CUX1: variants seen among roughly 807,000 people sequenced by gnomAD.
CUX1 encodes protein CASP.
Under a neutral mutation model 158.8 loss-of-function variants are expected in CUX1, and 31 were observed. The observed-to-expected ratio is 0.20, with a 90% CI of 0.15 to 0.26. The LOEUF (loss-of-function observed/expected upper bound fraction) is 0.26. CUX1 is among the 10% of genes least tolerant of loss of function. The pLI, the probability that CUX1 is intolerant of heterozygous loss-of-function variation, is 1.00. For missense variants in CUX1, 1,589 were observed against 2,014.6 expected, an observed-to-expected ratio of 0.79 and a Z score of 4.04; for synonymous variants, 879 against 862.1, an observed-to-expected ratio of 1.02 and a Z score of -0.34.
At chr7:101,826,069 T>A (rs1182222978) in intron 1 of CUX1, among the ~76,000 whole-genome samples, 1 of 152,072 alleles carries the variant, frequency 6.6e-6, no homozygotes, top group Non-Finnish European at 1.5e-5. Flanking sequence ...TTCCTGATAG[T>A]CCTTTCTGCC....
At chr7:102,176,073 G>A (rs890005229) in intron 10 of CUX1, among the ~76,000 whole-genome samples, 3 of 152,220 alleles carry the variant, frequency 2.0e-5, no homozygotes, top group Admixed American at 6.5e-5. Flanking sequence ...AGGGCCACGC[G>A]CACAGCTGTC....
intron 8 of CUX1, among the ~76,000 whole-genome samples, chr7:102,133,479 T>TC (rs1300524587): frequency 6.3e-5 from 9 of 142,348 alleles, no homozygotes; most frequent in Non-Finnish European, 1.4e-4. Flanking sequence ...TTTTTTTTTT[T>TC]TTTTTTTTTT....
At position 102,060,608 on chromosome 7, in the gene CUX1, A is replaced by ACACACACACACACACAC. The variant is rs1824723298; in HGVS notation, c.190-9731_190-9730insCACACACACACACACAC. Among the ~76,000 whole-genome samples the ACACACACACACACACAC allele has an allele frequency of 1.5e-4, 20 of 133,306 alleles. No homozygotes were observed. The East Asian group carries it at 4.2e-3, about 28-fold the overall frequency. 87.5% of individuals were successfully genotyped at this position (133,306 alleles called of 152,430 possible). A position where few individuals can be genotyped will look rare whatever the true frequency, so the allele number is the denominator to read the frequency against. On this transcript the variant is annotated intron_variant, in intron 3 of 23. Coordinates refer to ENST00000292535, the MANE Select transcript of CUX1 (RefSeq NM_181552.4). ...ATATATATATACACACACACAAATAAACACACACACACACACACACACACA... is the reference window on the plus strand; with the variant it reads ...ATATATATATACACACACACAAATAACACACACACACACACACACACACACACACACACACACACACA...
At chr7:102,128,674 C>A (rs117967901) in intron 8 of CUX1, among the ~76,000 whole-genome samples, 4 of 151,886 alleles carry the variant, frequency 2.6e-5, no homozygotes, top group Non-Finnish European at 4.4e-5. Context: ...CTTACTCAGA[C>A]CTTAGTATTT....
intron 1 of CUX1, among the ~76,000 whole-genome samples, chr7:101,841,175 G>A (rs1795165922): frequency 6.6e-6 from 1 of 152,042 alleles, no homozygotes; most frequent in South Asian, 2.1e-4. Context: ...TTACAGGCGT[G>A]AGCCACCACG....
Position 102,170,554 on chromosome 7 carries a change from G to A in CUX1, c.828+4G>A, listed in dbSNP as rs782208460. On this transcript the variant is annotated splice_donor_region_variant and intron_variant, in intron 10 of 23. Coordinates refer to ENST00000292535, the MANE Select transcript of CUX1 (RefSeq NM_181552.4). ...GATCCAGAAGGCACCAGACGTGGTG[G>A]GTAGCCCCGGCCCCGTGGGGGACTG... 1.3e-6 allele frequency: 2 copies of A among 1,569,200 alleles called. No homozygotes were observed. Among genetic ancestry groups the A allele is most frequent in the Middle Eastern group, 1.7e-4 (1 of 6,004 alleles).
chr7:102,237,472 G>A (rs1157359043), intron 22 of CUX1, among the ~76,000 whole-genome samples: 1 of 152,052 alleles, frequency 6.6e-6, no homozygotes, highest in African/African-American at 2.4e-5. Flanking sequence ...TTTTGAGACA[G>A]GGTCTCTCTA....
chr7:102,010,893 C>T (rs1585264715), intron 2 of CUX1, among the ~76,000 whole-genome samples: 1 of 152,100 alleles, frequency 6.6e-6, no homozygotes, highest in Non-Finnish European at 1.5e-5. Context: ...GGCGGATCAC[C>T]TGAGGTCGAG....
chr7:102,102,939 A>T (rs1342031483), intron 5 of CUX1, among the ~76,000 whole-genome samples: 16 of 151,894 alleles, frequency 1.1e-4, no homozygotes, highest in Admixed American at 6.6e-4. Flanking sequence ...GCGTATCTGG[A>T]GGAGGGCGCA....
At chr7:102,106,235 G>A (rs191781177) in intron 6 of CUX1, among the ~76,000 whole-genome samples, 11 of 151,812 alleles carry the variant, frequency 7.2e-5, no homozygotes, top group African/African-American at 2.7e-4. Context: ...CTACAGGTGT[G>A]CACGCCACCA....
chr7:102,010,166 G>A, intron 2 of CUX1, among the ~76,000 whole-genome samples: 1 of 151,988 alleles, frequency 6.6e-6, no homozygotes, highest in East Asian at 1.9e-4. Context: ...GGCGGGGGTG[G>A]GCAGATCACC....
intron 3 of CUX1, among the ~76,000 whole-genome samples, chr7:102,043,230 C>T (rs1363669876): frequency 2.0e-5 from 3 of 151,974 alleles, no homozygotes; most frequent in Non-Finnish European, 2.9e-5. Flanking sequence ...GGATTACAGG[C>T]GTGATCCACC....
chr7:101,862,653 G>A (rs71559433), intron 1 of CUX1, among the ~76,000 whole-genome samples: 12,434 of 152,050 alleles, frequency 0.082, 1,039 homozygotes, highest in East Asian at 0.46. Flanking sequence ...AATTTACATC[G>A]AGGGACATAT....
intron 5 of CUX1, among the ~76,000 whole-genome samples, chr7:102,102,460 A>G (rs1454399266): frequency 7.2e-6 from 1 of 138,292 alleles, no homozygotes; most frequent in Non-Finnish European, 1.5e-5. Flanking sequence ...TTTAGCTTGT[A>G]TGCACTAAGC....
intron 17 of CUX1, chr7:102,275,453 G>A (rs191868837): frequency 2.0e-5 from 20 of 995,784 alleles, no homozygotes; most frequent in Admixed American, 4.8e-5. Context: ...GGCACAGACC[G>A]TAAACCTCAG....
chr7:101,882,368 C>T (rs1799805720), intron 1 of CUX1, among the ~76,000 whole-genome samples: 1 of 152,182 alleles, frequency 6.6e-6, no homozygotes, highest in African/African-American at 2.4e-5. Context: ...CCTCACACAA[C>T]TTGGCTTAGC....
intron 8 of CUX1, among the ~76,000 whole-genome samples, chr7:102,152,468 G>A (rs1835796364): frequency 2.6e-5 from 4 of 152,136 alleles, no homozygotes; most frequent in Admixed American, 2.6e-4. Context: ...ACCTAGGCTG[G>A]AGTGTAGTAG....
At chr7:102,040,616 C>T (rs1821953110) in intron 3 of CUX1, among the ~76,000 whole-genome samples, 1 of 152,210 alleles carries the variant, frequency 6.6e-6, no homozygotes, top group Admixed American at 6.5e-5. Flanking sequence ...CTACAGCAGT[C>T]TATGAATGAG....
intron 2 of CUX1, among the ~76,000 whole-genome samples, chr7:101,996,264 G>A (rs1815868822): frequency 6.6e-6 from 1 of 151,062 alleles, no homozygotes; most frequent in Admixed American, 6.6e-5. Context: ...GACACTTCCT[G>A]TGTCACCATC....
Sources: allele counts gnomAD v4.1 joint callset (sites outside exome capture counted in the v4.1 genomes callset), GRCh38; gene constraint gnomAD v4.1.1; transcripts MANE v1.5; gene names NCBI Gene and HGNC (gene_info 2026-07-23, HGNC 2026-07-21).